The following SP4 variants were observed in gnomAD, a reference collection of about 807,000 sequenced individuals.
The protein encoded by SP4 is Sp4 transcription factor, also known as transcription factor Sp4.
Under a neutral mutation model 72.8 loss-of-function variants are expected in SP4, and 19 were observed. That is an observed-to-expected ratio of 0.26 (90% CI 0.18 to 0.38). The LOEUF is 0.38. SP4 is among the 10% of genes least tolerant of loss of function. The pLI is 1.00. For missense variants in SP4, 1,008 were observed against 926.3 expected, an observed-to-expected ratio of 1.09 and a Z score of -1.14; for synonymous variants, 395 against 333.1, an observed-to-expected ratio of 1.19 and a Z score of -2.02.
At chr7:21,502,707 T>C (rs1415376510) in intron 5 of SP4, among the ~76,000 whole-genome samples, 1 of 152,118 alleles carries the variant, frequency 6.6e-6, no homozygotes, top group African/African-American at 2.4e-5. Flanking sequence ...ACCTCAATTA[T>C]TTTTAGCCTT....
chr7:21,482,154 C>T (rs747590328), intron 5 of SP4, 31 bp downstream of exon 5: 4 of 1,536,390 alleles, frequency 2.6e-6, no homozygotes, highest in Admixed American at 1.8e-5. Context: ...GTACTTTTTA[C>T]TTATTTCTTC....
intron 5 of SP4, among the ~76,000 whole-genome samples, chr7:21,505,833 A>G (rs1362751796): frequency 1.3e-5 from 2 of 152,126 alleles, no homozygotes; most frequent in African/African-American, 2.4e-5. Flanking sequence ...CAATCCCTCT[A>G]TTACCAGTTG....
At chr7:21,442,242 G>A (rs946165619) in intron 3 of SP4, among the ~76,000 whole-genome samples, 2 of 151,862 alleles carry the variant, frequency 1.3e-5, no homozygotes, top group African/African-American at 2.4e-5. Flanking sequence ...GTTTCGCCAT[G>A]TTGGCCAGGC....
Position 21,453,444 on chromosome 7 carries a change from T to G in SP4, c.1678+22601T>G, listed in dbSNP as rs1227999823. ...CAATTGAAAAGGAAATTTGTTAGCC[T>G]CTGTGGCATGCAATAATTTAACTTA... On this transcript the variant is annotated intron_variant, in intron 3 of 5. Transcript: ENST00000222584. Among the ~76,000 whole-genome samples, 7 of 152,350 alleles carry G rather than the reference T, an allele frequency of 4.6e-5. No homozygotes were observed. The East Asian group carries it at 1.3e-3, about 29-fold the overall frequency.
chr7:21,461,723 A>T (rs1186838320), intron 3 of SP4, among the ~76,000 whole-genome samples: 1 of 152,304 alleles, frequency 6.6e-6, no homozygotes, highest in South Asian at 2.1e-4. Context: ...GGGCTCCTCA[A>T]GCGCAGCCAG....
At chr7:21,451,976 A>C (rs1783615588) in intron 3 of SP4, among the ~76,000 whole-genome samples, 1 of 152,214 alleles carries the variant, frequency 6.6e-6, no homozygotes, top group South Asian at 2.1e-4. Flanking sequence ...ACATGCCCAG[A>C]ATTAGAATAT....
chr7:21,464,532 T>C (rs1784106196), intron 3 of SP4, among the ~76,000 whole-genome samples: 1 of 152,170 alleles, frequency 6.6e-6, no homozygotes, highest in African/African-American at 2.4e-5. Context: ...TGAGATCTGA[T>C]ACACCCCTGC....
At chr7:21,460,520 A>G (rs990304319) in intron 3 of SP4, among the ~76,000 whole-genome samples, 19 of 152,232 alleles carry the variant, frequency 1.2e-4, no homozygotes, top group Middle Eastern at 3.2e-3. Context: ...GAAGAGCAAA[A>G]GAACAAAGCT....
In SP4 at chr7:21,477,177, G is replaced by C. The variant is rs1436911471; in HGVS notation, c.1777G>C (p.Val593Leu). Residue 593 changes from valine (V) to leucine (L), a missense_variant, in exon 4 of 6, where the codon GTT becomes CTT. By Grantham distance (32) the Val-to-Leu change is conservative. Transcript: ENST00000222584. ...GGIANATIGA[V>L]SPDQLTQVHL... ...AATTGCTAATGCCACGATAGGTGCT[G>C]TTAGTCCTGACCAACTCACACAAGT... 1 of 1,614,154 alleles carries C rather than the reference G, an allele frequency of 6.2e-7. No homozygotes were observed. Among genetic ancestry groups the C allele is most frequent in the Non-Finnish European group, 8.5e-7 (1 of 1,179,966 alleles).
intron 4 of SP4, among the ~76,000 whole-genome samples, chr7:21,480,597 T>G (rs1372467859): frequency 6.6e-6 from 1 of 152,246 alleles, no homozygotes; most frequent in Non-Finnish European, 1.5e-5. Context: ...TTTCTGATTC[T>G]AATAATTTGA....
rs916270380 is a variant in SP4, at chr7:21,489,029, T to C, written c.2107+6906T>C. Reference sequence around the variant, plus strand: ...GGATCTTTAACCAGATCTCAAATTCTTTTTCACCAGCTAAGAAAAAATCCT... The same window carrying C: ...GGATCTTTAACCAGATCTCAAATTCCTTTTCACCAGCTAAGAAAAAATCCT... On this transcript the variant is annotated intron_variant, in intron 5 of 5. Transcript: ENST00000222584. 2.6e-5 allele frequency among the ~76,000 whole-genome samples: 4 copies of C among 152,294 alleles called. No individual in the cohort carries two copies. The East Asian group carries it at 7.7e-4, about 29-fold the overall frequency.
chr7:21,511,167 T>C lies in SP4; in HGVS notation c.2253T>C (p.Val751=), dbSNP rs1782133418. 6.2e-7 allele frequency: 1 copy of C among 1,614,210 alleles called. No individual in the cohort carries two copies. The highest frequency in any genetic ancestry group is 1.3e-5 in the African/African-American group (1 of 75,058). Residue 751 remains valine (V), a synonymous_variant, in exon 6 of 6, where the codon GTT becomes GTC. Transcript: ENST00000222584. ...IVTSGELDSS[V]TEVLGSPRIV... ...CCTCGGGAGAACTGGACTCATCTGT[T>C]ACAGAGGTGCTTGGCTCCCCAAGAA...
At chr7:21,470,749 GAAAAAAAAAA>G (rs11406915) in intron 3 of SP4, among the ~76,000 whole-genome samples, 61 of 105,348 alleles carry the variant, frequency 5.8e-4, no homozygotes, top group Non-Finnish European at 1.1e-3. Context: ...TCTATATTTG[GAAAAAAAAAA>G]AAAAAAAAAA....
intron 3 of SP4, among the ~76,000 whole-genome samples, chr7:21,453,163 C>T (rs1186668336): frequency 6.6e-6 from 1 of 152,194 alleles, no homozygotes. Context: ...AGCAAAAAGT[C>T]ATAAAAGGAT....
At chr7:21,432,458 A>C (rs1782893609) in intron 3 of SP4, among the ~76,000 whole-genome samples, 1 of 152,268 alleles carries the variant, frequency 6.6e-6, no homozygotes, top group Admixed American at 6.5e-5. Flanking sequence ...AATTAAGAGA[A>C]TTAACTTATA....
chr7:21,452,720 TTCTGCAGAAA>T (rs1038465472), intron 3 of SP4, among the ~76,000 whole-genome samples: 2 of 152,176 alleles, frequency 1.3e-5, no homozygotes, highest in African/African-American at 4.8e-5. Context: ...AGTTTCCAAA[TTCTGCAGAAA>T]TCTGAGAGAA....
At chr7:21,454,989 T>C (rs755000568) in intron 3 of SP4, among the ~76,000 whole-genome samples, 1 of 152,132 alleles carries the variant, frequency 6.6e-6, no homozygotes, top group African/African-American at 2.4e-5. Context: ...AAAGGGAAAT[T>C]TATAATTTTT....
At chr7:21,497,624 T>C (rs767291589) in intron 5 of SP4, among the ~76,000 whole-genome samples, 7 of 152,198 alleles carry the variant, frequency 4.6e-5, no homozygotes, top group Non-Finnish European at 1.0e-4. Flanking sequence ...TCATAAGGAT[T>C]AGAATGATCC....
chr7:21,477,337 T>C, intron 4 of SP4, 30 bp downstream of exon 4: 2 of 1,473,006 alleles, frequency 1.4e-6, no homozygotes, highest in Non-Finnish European at 9.4e-7. Flanking sequence ...ACTGTGTCTA[T>C]TTGGAAGGCA....
Sources: gnomAD v4.1 joint callset for allele counts (sites outside exome capture counted in the v4.1 genomes callset) on GRCh38, gnomAD v4.1.1 for gene constraint, MANE v1.5 for transcripts, NCBI Gene and HGNC (gene_info 2026-07-23, HGNC 2026-07-21) for gene names.